NHEJ1: variants seen among roughly 807,000 people sequenced by gnomAD.
NHEJ1 encodes the protein non-homologous end joining factor 1.
In NHEJ1, 22 loss-of-function variants were observed where a neutral mutation model predicts 39.4. The ratio of observed to expected loss-of-function variants is 0.56; its 90% CI spans 0.40 to 0.80. NHEJ1 has a LOEUF of 0.80. Among genes scored for constraint, NHEJ1 ranks in the 30% least tolerant of loss-of-function variants. The pLI is 0.00. For synonymous variants in NHEJ1, 154 were observed against 135.6 expected, an observed-to-expected ratio of 1.14 and a Z score of -0.94; for missense variants, 329 against 357.1, an observed-to-expected ratio of 0.92 and a Z score of 0.63.
rs375230208 is a variant in NHEJ1, at chr2:219,147,776, C to G, written c.410G>C (p.Arg137Pro). Residue 137 changes from arginine to proline, a missense_variant, in exon 4 of 8, where the codon CGT becomes CCT. Coordinates refer to ENST00000356853, the MANE Select transcript of NHEJ1 (RefSeq NM_024782.3). The stretch of plus-strand genomic sequence containing the variant: ...TGCCAGACTCATGCCCATCAGAGGA[C>G]GAATCAAATGTTGGGAGACCTTTGA... The part of the protein sequence containing the change: ...SPSLVSQHLI[R>P]PLMGMSLALQ... 4.3e-6 allele frequency: 7 copies of G among 1,613,910 alleles called. No individual in the cohort carries two copies. Among genetic ancestry groups the G allele is most frequent in the Non-Finnish European group, 5.9e-6 (7 of 1,179,996 alleles).
At chr2:219,104,533 A>G (rs1949296547) in intron 5 of NHEJ1, among the ~76,000 whole-genome samples, 2 of 152,216 alleles carry the variant, frequency 1.3e-5, no homozygotes, top group African/African-American at 4.8e-5. Context: ...GGAATAGAGG[A>G]GAAGTATCAC....
At chr2:219,094,686 T>C (rs950560347) in intron 5 of NHEJ1, among the ~76,000 whole-genome samples, 2 of 152,154 alleles carry the variant, frequency 1.3e-5, no homozygotes, top group East Asian at 3.9e-4. Flanking sequence ...TCCTAACTGA[T>C]AATCTCTCCA....
At chr2:219,093,458 C>T (rs146528036) in intron 5 of NHEJ1, among the ~76,000 whole-genome samples, 7 of 152,268 alleles carry the variant, frequency 4.6e-5, no homozygotes, top group Admixed American at 3.3e-4. Context: ...GTGTCTTAAA[C>T]AGATTTTTGA....
Position 219,077,237 on chromosome 2 carries a change from A to G in NHEJ1, c.825+9T>C. Reference sequence around the variant, plus strand: ...CAGAACACCATCCAGGAAGCTGCTCATGACTCACCGTGGACTCTTTCTCAG... The same window carrying G: ...CAGAACACCATCCAGGAAGCTGCTCGTGACTCACCGTGGACTCTTTCTCAG... On this transcript the variant is annotated intron_variant, in intron 7 of 7. Coordinates refer to ENST00000356853, the MANE Select transcript of NHEJ1 (RefSeq NM_024782.3). 5 of 1,604,980 alleles carry G rather than the reference A, an allele frequency of 3.1e-6. No individual in the cohort carries two copies. Among genetic ancestry groups the G allele is most frequent in the Non-Finnish European group, 4.3e-6 (5 of 1,171,750 alleles).
chr2:219,123,793 GAGAGGCCTGTAGGCCT>G (rs1949492084), intron 5 of NHEJ1, among the ~76,000 whole-genome samples: 2 of 152,162 alleles, frequency 1.3e-5, no homozygotes, highest in Non-Finnish European at 2.9e-5. Flanking sequence ...AAGAGGAACA[GAGAGGCCTGTAGGCCT>G]AGCCCAAGCT....
At position 219,076,411 on chromosome 2, in the gene NHEJ1, C is replaced by A. The variant is rs1457308167; in HGVS notation, c.870G>T (p.Lys290Asn). ...TGAAGAGACCCCTTGGCTTCTTCCT[C>A]TTGACCTTTGACAGCTGAGGTCTCT... Reference protein sequence around the residue: ...PLQRPQLSKVKRKKPRGLFS With the variant: ...PLQRPQLSKVNRKKPRGLFS The change falls in exon 8 of 8, where the codon AAG becomes AAT. Residue 290 changes from lysine (K) to asparagine (N), a missense_variant. Coordinates refer to ENST00000356853, the MANE Select transcript of NHEJ1 (RefSeq NM_024782.3). The A allele has an allele frequency of 6.2e-7, 1 of 1,614,160 alleles. No individual in the cohort carries two copies. Among genetic ancestry groups the A allele is most frequent in the South Asian group, 1.1e-5 (1 of 91,084 alleles).
chr2:219,118,377 T>C (rs1949435447), intron 5 of NHEJ1, among the ~76,000 whole-genome samples: 1 of 126,174 alleles, frequency 7.9e-6, no homozygotes, highest in Non-Finnish European at 1.7e-5. Flanking sequence ...GAATGGACAC[T>C]AAGGAATTCT....
chr2:219,152,304 G>A (rs539230564), intron 3 of NHEJ1, among the ~76,000 whole-genome samples: 1 of 152,296 alleles, frequency 6.6e-6, no homozygotes, highest in African/African-American at 2.4e-5. Context: ...CCACAGAAAT[G>A]TTCATAAGTC....
chr2:219,147,132 G>A (rs942678723), intron 4 of NHEJ1, among the ~76,000 whole-genome samples: 5 of 152,146 alleles, frequency 3.3e-5, no homozygotes, highest in Non-Finnish European at 5.9e-5. Context: ...GTCTGGACTC[G>A]GTTACAGCTT....
At position 219,159,528 on chromosome 2, in the gene NHEJ1, T is replaced by TATATATGC. The variant is rs1553549779; in HGVS notation, c.1-1167_1-1166insGCATATAT. Among the ~76,000 whole-genome samples, 58 of 92,250 alleles carry TATATATGC rather than the reference T, an allele frequency of 6.3e-4. 5 individuals carry two copies. The highest frequency in any genetic ancestry group is 5.0e-3 in the Middle Eastern group (1 of 200). The allele number at this position is 92,250 out of a possible 152,430, so 60.5% of individuals were successfully genotyped here. The stretch of plus-strand genomic sequence containing the variant: ...TGACATAACTTTATATATATATGCA[T>TATATATGC]ATATATATGCATATATATATATGCA... On this transcript the variant is annotated intron_variant, in intron 1 of 7. Transcript: ENST00000356853.
At chr2:219,080,617 ATATATATG>A (rs1949055662) in intron 5 of NHEJ1, among the ~76,000 whole-genome samples, 1 of 119,180 alleles carries the variant, frequency 8.4e-6, no homozygotes, top group Non-Finnish European at 1.8e-5. Flanking sequence ...ATATAAGCTT[ATATATATG>A]CTAATATATA....
intron 5 of NHEJ1, among the ~76,000 whole-genome samples, chr2:219,141,719 T>C (rs1295878455): frequency 6.6e-6 from 1 of 151,944 alleles, no homozygotes; most frequent in Admixed American, 6.6e-5. Context: ...ACAGTGGAGA[T>C]ATAAAATTGG....
chr2:219,108,768 T>C (rs1214650957), intron 5 of NHEJ1, among the ~76,000 whole-genome samples: 2 of 152,054 alleles, frequency 1.3e-5, no homozygotes, highest in Non-Finnish European at 2.9e-5. Flanking sequence ...AGATGGGCAA[T>C]GACCCTTTTT....
At chr2:219,095,298 C>T (rs1949197016) in intron 5 of NHEJ1, 2 of 470,640 alleles carry the variant, frequency 4.2e-6, no homozygotes, top group Non-Finnish European at 8.8e-6. Context: ...ACCGATGCAG[C>T]ATGTAGAGTT....
At chr2:219,154,222 G>A (rs1229604987) in intron 3 of NHEJ1, among the ~76,000 whole-genome samples, 1 of 151,810 alleles carries the variant, frequency 6.6e-6, no homozygotes, top group Non-Finnish European at 1.5e-5. Flanking sequence ...AGTGAAAAAA[G>A]GAAGGTACTA....
At chr2:219,104,342 C>T (rs1295566698) in intron 5 of NHEJ1, among the ~76,000 whole-genome samples, 2 of 152,176 alleles carry the variant, frequency 1.3e-5, no homozygotes, top group African/African-American at 4.8e-5. Flanking sequence ...GTATTGACAG[C>T]TGCAAATGTC....
At chr2:219,142,121 A>G (rs1378313426) in intron 5 of NHEJ1, among the ~76,000 whole-genome samples, 1 of 152,208 alleles carries the variant, frequency 6.6e-6, no homozygotes, top group African/African-American at 2.4e-5. Context: ...AATGTTAACT[A>G]TAGCCCCCTA....
At chr2:219,120,037 G>C (rs567238284) in intron 5 of NHEJ1, among the ~76,000 whole-genome samples, 28 of 152,266 alleles carry the variant, frequency 1.8e-4, no homozygotes, top group Non-Finnish European at 4.1e-4. Context: ...TTAGCACCGA[G>C]AGGACATGAT....
rs556418178 is a variant in NHEJ1 at position 219,074,673 on chromosome 2, T to G, written c.*1708A>C. On this transcript the variant is annotated 3_prime_UTR_variant, in exon 8 of 8. Transcript: ENST00000356853. The stretch of plus-strand genomic sequence containing the variant: ...AGGAGAATCACTTGAACACAGGAGG[T>G]GGAGTTTGCAGTGAGCCAAAATTGT... Among the ~76,000 whole-genome samples the G allele has an allele frequency of 1.3e-5, 2 of 149,512 alleles. No homozygotes were observed. The highest frequency in any genetic ancestry group is 5.0e-5 in the African/African-American group (2 of 40,374).
Sources: allele counts gnomAD v4.1 joint callset (sites outside exome capture counted in the v4.1 genomes callset), GRCh38; gene constraint gnomAD v4.1.1; transcripts MANE v1.5; gene names NCBI Gene and HGNC (gene_info 2026-07-23, HGNC 2026-07-21).